Variants in ZNF185 observed in about 807,000 individuals in gnomAD.
ZNF185 encodes zinc finger protein 185.
Under a neutral mutation model 58.6 loss-of-function variants are expected in ZNF185, and 56 were observed. That is an observed-to-expected ratio of 0.95 (90% CI 0.77 to 1.19). ZNF185 has a LOEUF of 1.19. Ranked by LOEUF, ZNF185 falls within the 50% of genes most tolerant of loss-of-function variation. ZNF185 has a pLI of 0.00. For synonymous variants in ZNF185, 230 were observed against 215.9 expected (o/e 1.07, Z -0.57); for missense variants, 627 against 573.5 (o/e 1.09, Z -0.95).
chrX:152,958,468 A>AT (rs1382135591), intron 16 of ZNF185, among the ~76,000 whole-genome samples: 2 of 111,459 alleles, frequency 1.8e-5, no homozygotes, highest in African/African-American at 6.5e-5. Flanking sequence ...GTAAAAAAAA[A>AT]GGGATGGCCA....
intron 17 of ZNF185, among the ~76,000 whole-genome samples, chrX:152,963,467 C>T (rs1019216897): frequency 8.9e-6 from 1 of 112,287 alleles, no homozygotes; most frequent in African/African-American, 3.2e-5. Context: ...AAGGGACCGT[C>T]CCATCCAGTG....
intron 15 of ZNF185, among the ~76,000 whole-genome samples, chrX:152,939,091 T>C (rs782013777): frequency 9.0e-6 from 1 of 111,541 alleles, no homozygotes; most frequent in East Asian, 2.9e-4. Context: ...GGTTAAGAGA[T>C]TGGATCTTAT....
At position 152,965,333 on chromosome X, in the gene ZNF185, C is replaced by T. The variant is rs782178365; in HGVS notation, c.1719-114C>T. On this transcript the variant is annotated intron_variant, in intron 18 of 22. Coordinates refer to ENST00000449285, the Ensembl canonical transcript of ZNF185. ...TCCTGGGCCTTCCCATGAGCTCTTT[C>T]ACTTCCTTCAAACCAGGCTGGGTCT... is the stretch of plus-strand genomic sequence containing the variant. The T allele has an allele frequency of 5.0e-5, 30 of 604,670 alleles. No individual in the cohort carries two copies. The South Asian group carries it at 8.2e-4, about 17-fold the overall frequency. 49.8% of individuals were successfully genotyped at this position (604,670 alleles called of 1,213,427 possible).
At chrX:152,961,578 G>T (rs1022234626) in intron 17 of ZNF185, among the ~76,000 whole-genome samples, 1 of 111,777 alleles carries the variant, frequency 8.9e-6, no homozygotes, top group Non-Finnish European at 1.9e-5. Flanking sequence ...ATGGGCCGCC[G>T]GCTAGAGATG....
intron 11 of ZNF185, among the ~76,000 whole-genome samples, chrX:152,926,381 C>T (rs1277441590): frequency 8.9e-6 from 1 of 112,610 alleles, no homozygotes; most frequent in Non-Finnish European, 1.9e-5. Flanking sequence ...GCGTGCTGAG[C>T]TGCAGGGCCC....
intron 21 of ZNF185, 118 bp downstream of exon 23, chrX:152,969,602 T>C (rs782710462): frequency 2.0e-4 from 110 of 539,686 alleles, no homozygotes; most frequent in Middle Eastern, 3.3e-4. Flanking sequence ...GGAGGCTTGA[T>C]CTCCATATAC....
At chrX:152,937,955 G>GC (rs1317610527) in intron 14 of ZNF185, 119 bp from the exon 17 acceptor site, 1 of 637,312 alleles carries the variant, frequency 1.6e-6, no homozygotes, top group East Asian at 3.6e-5. Context: ...TGAGACACCA[G>GC]CCTTTACTGG....
At chrX:152,959,065 G>T (rs1354013900) in intron 16 of ZNF185, among the ~76,000 whole-genome samples, 1 of 112,863 alleles carries the variant, frequency 8.9e-6, no homozygotes, top group African/African-American at 3.2e-5. Context: ...GGTTCCTGCC[G>T]CCAGATGGCG....
exon 17 of ZNF185, chrX:152,959,733 A>G (rs1556908433): frequency 8.3e-7 from 1 of 1,211,774 alleles, no homozygotes; most frequent in Non-Finnish European, 1.1e-6. Flanking sequence ...GGATGTGGCC[A>G]CCAAGGTCGG....
chrX:152,951,045 C>A (rs1274447815), intron 16 of ZNF185, among the ~76,000 whole-genome samples: 1 of 110,569 alleles, frequency 9.0e-6, no homozygotes, highest in Non-Finnish European at 1.9e-5. Context: ...AAAAACAGAC[C>A]ATTTATAACT....
chrX:152,935,192 C>T (rs2046119775), intron 14 of ZNF185, among the ~76,000 whole-genome samples: 1 of 110,574 alleles, frequency 9.0e-6, no homozygotes, highest in African/African-American at 3.3e-5. Flanking sequence ...GGGCTGACCA[C>T]ACTTAGTTTG....
intron 11 of ZNF185, among the ~76,000 whole-genome samples, chrX:152,925,338 G>A (rs1556872029): frequency 9.0e-6 from 1 of 110,559 alleles, no homozygotes; most frequent in East Asian, 2.9e-4. Flanking sequence ...AAAGAATGGA[G>A]GAGAATTAGA....
In ZNF185 at chrX:152,946,383, T is replaced by A. The variant is rs370203462; in HGVS notation, c.1409+919T>A. Reference sequence around the variant, plus strand: ...GGTTCCATAATTATTAATAGTTAGGTTATTTTTAGGGCCTAGCTCAACTGT... The same window carrying A: ...GGTTCCATAATTATTAATAGTTAGGATATTTTTAGGGCCTAGCTCAACTGT... On this transcript the variant is annotated intron_variant, in intron 16 of 22. Coordinates refer to ENST00000449285, the Ensembl canonical transcript of ZNF185. 6.3e-5 allele frequency among the ~76,000 whole-genome samples: 7 copies of A among 111,762 alleles called. No individual in the cohort carries two copies. The East Asian group carries it at 1.4e-3, about 23-fold the overall frequency.
At chrX:152,942,838 C>G (rs1163782562) in intron 15 of ZNF185, among the ~76,000 whole-genome samples, 3 of 111,329 alleles carry the variant, frequency 2.7e-5, no homozygotes, top group Non-Finnish European at 5.7e-5. Flanking sequence ...TGCAGTGGCT[C>G]ATACCCACCT....
At position 152,939,907 on chromosome X, in the gene ZNF185, T is replaced by C. The variant is rs2046976704; in HGVS notation, c.1211+1744T>C. 2.8e-5 allele frequency among the ~76,000 whole-genome samples: 3 copies of C among 105,404 alleles called. No individual in the cohort carries two copies. In the Admixed American group the frequency reaches 3.2e-4, roughly 11 times the overall value. The allele number at this position is 105,404 out of a possible 115,157, so 91.5% of individuals were successfully genotyped here. The stretch of plus-strand genomic sequence containing the variant: ...AAACGATTCTCCTGCCTCAGCCTCC[T>C]AAGTAGCTGGGATTACAGGCACATG... On this transcript the variant is annotated intron_variant, in intron 15 of 22. Coordinates refer to ENST00000449285, the Ensembl canonical transcript of ZNF185.
chrX:152,917,877 T>C (rs1938832527), intron 5 of ZNF185, 188 bp from the exon 7 acceptor site: 3 of 1,079,655 alleles, frequency 2.8e-6, no homozygotes, highest in Non-Finnish European at 3.6e-6. Flanking sequence ...TCCCTGAAGC[T>C]CGGTGGGGTT....
chrX:152,932,275 T>C (rs1256039054), intron 13 of ZNF185, among the ~76,000 whole-genome samples: 1 of 112,113 alleles, frequency 8.9e-6, no homozygotes, highest in Non-Finnish European at 1.9e-5. Context: ...AAGGGAGACA[T>C]TGTGGCAAGG....
chrX:152,946,772 C>T (rs2047829087), intron 16 of ZNF185, among the ~76,000 whole-genome samples: 1 of 111,803 alleles, frequency 8.9e-6, no homozygotes, highest in South Asian at 3.7e-4. Context: ...GTATAGGGAA[C>T]ATCCAGTCAG....
chrX:152,921,472 G>T (rs1226304688), intron 9 of ZNF185, among the ~76,000 whole-genome samples: 4 of 100,613 alleles, frequency 4.0e-5, no homozygotes, highest in African/African-American at 1.5e-4. Context: ...CCAGGAAGTT[G>T]GCAGGAATAC....
Sources: allele counts gnomAD v4.1 joint callset (sites outside exome capture counted in the v4.1 genomes callset), GRCh38; gene constraint gnomAD v4.1.1; transcripts MANE v1.5; gene names NCBI Gene and HGNC (gene_info 2026-07-23, HGNC 2026-07-21).